EPOR: variants seen among roughly 807,000 people sequenced by gnomAD.
EPOR encodes erythropoietin receptor.
In EPOR, 20 loss-of-function variants were observed where a neutral mutation model predicts 34.3. The observed-to-expected ratio is 0.58, with a 90% CI of 0.41 to 0.85. The LOEUF (loss-of-function observed/expected upper bound fraction) is 0.85, where lower values mean the gene tolerates loss of function less well. Ranked by LOEUF, EPOR falls within the 40% of genes least tolerant of loss-of-function variation. The pLI, the probability that EPOR is intolerant of heterozygous loss-of-function variation, is 0.00. For synonymous variants in EPOR, 312 were observed against 299.0 expected, an observed-to-expected ratio of 1.04 and a Z score of -0.45; for missense variants, 601 against 672.7, an observed-to-expected ratio of 0.89 and a Z score of 1.18.
intron 6 of EPOR, among the ~76,000 whole-genome samples, chr19:11,379,573 C>CA (rs113780625): frequency 7.7e-4 from 109 of 141,248 alleles, no homozygotes; most frequent in Middle Eastern, 3.7e-3. Context: ...GACTCTGTCT[C>CA]AAAAAAAAAA....
At position 11,377,558 on chromosome 19, in the gene EPOR, A is replaced by C; in HGVS notation, c.*426T>G. 2.2e-6 allele frequency: 1 copy of C among 454,838 alleles called. No homozygotes were observed. Among genetic ancestry groups the C allele is most frequent in the Non-Finnish European group, 4.4e-6 (1 of 227,334 alleles). 28.2% of individuals were successfully genotyped at this position (454,838 alleles called of 1,614,324 possible). A position where few individuals can be genotyped will look rare whatever the true frequency, so the allele number is the denominator to read the frequency against. On this transcript the variant is annotated 3_prime_UTR_variant, in exon 8 of 8. Coordinates refer to ENST00000222139, the MANE Select transcript of EPOR (RefSeq NM_000121.4). ...CATGGATGGCTGCCCATTTGAGCTG[A>C]GTTAGGAGAGAGAAATCATTTAATG...
chr19:11,378,078 C>T lies in EPOR; in HGVS notation c.1433G>A (p.Gly478Glu). ...GGAGTAGGGGCCATCGGATAAGCCC[C>T]CTTGGGCTCCCTGGGAGTCCCCTGA... Reference protein sequence around the residue: ...YSSGDSQGAQGGLSDGPYSNP... With the variant: ...YSSGDSQGAQEGLSDGPYSNP... The change falls in exon 8 of 8, where the codon GGG becomes GAG. Residue 478 changes from glycine to glutamate, a missense_variant. Physicochemically the swap from Gly to Glu is moderately conservative, Grantham distance 98 (BLOSUM62 -2). Coordinates refer to ENST00000222139, the MANE Select transcript of EPOR (RefSeq NM_000121.4). The surrounding 1 kb of genome is among the most constrained non-coding windows in gnomAD (Gnocchi z 5.3). The T allele has an allele frequency of 6.2e-7, 1 of 1,614,104 alleles. No homozygotes were observed. The highest frequency in any genetic ancestry group is 8.5e-7 in the Non-Finnish European group (1 of 1,180,006).
In EPOR at chr19:11,384,094, T is replaced by C. The variant is rs753687126; in HGVS notation, c.114A>G (p.Lys38=). 1 of 1,546,076 alleles carries C rather than the reference T, an allele frequency of 6.5e-7. No homozygotes were observed. Among genetic ancestry groups the C allele is most frequent in the South Asian group, 1.2e-5 (1 of 83,934 alleles). ...GGTCCACACGCAGCTCATCCTTACC[T>C]TTGCTCTCGAACTTGGGGTCCGGGA... The part of the protein sequence containing the change: ...PNLPDPKFES[K]AALLAARGPE... The change falls in exon 1 of 8, where the codon AAA becomes AAG. Residue 38 remains lysine (K), a splice_region_variant and synonymous_variant. Coordinates refer to ENST00000222139, the MANE Select transcript of EPOR (RefSeq NM_000121.4).
chr19:11,381,455 G>A lies in EPOR; in HGVS notation c.585+237C>T, dbSNP rs1476423393. ...CTAGCACTCGTAGAGGGACCCGGGC[G>A]CTAAAGGGGTCTAGGGTTACGGGCC... On this transcript the variant is annotated intron_variant, in intron 4 of 7. Transcript: ENST00000222139. This position sits in a 1 kb window ranked among gnomAD's most constrained non-coding sequence, Gnocchi z 5.3. 3.0e-6 allele frequency: 2 copies of A among 666,204 alleles called. No individual in the cohort carries two copies. Among genetic ancestry groups the A allele is most frequent in the African/African-American group, 1.8e-5 (1 of 55,066 alleles). The allele number at this position is 666,204 out of a possible 1,614,324, so 41.3% of individuals were successfully genotyped here. A position where few individuals can be genotyped will look rare whatever the true frequency, so the allele number is the denominator to read the frequency against.
Position 11,382,065 on chromosome 19 carries a change from T to C in EPOR, c.292A>G (p.Thr98Ala). The C allele has an allele frequency of 6.2e-7, 1 of 1,613,946 alleles. No homozygotes were observed. The highest frequency in any genetic ancestry group is 1.1e-5 in the South Asian group (1 of 91,076). Residue 98 changes from threonine to alanine, a missense_variant, in exon 3 of 8, where the codon ACG becomes GCG. By Grantham distance (58) the Thr-to-Ala change is moderately conservative. Coordinates refer to ENST00000222139, the MANE Select transcript of EPOR (RefSeq NM_000121.4). ...CAGAAGCGCACCGCACCACGAGCCG[T>C]GGGAGCCTGGTGCAGGCGACACAGC... ...WKLCRLHQAPTARGAVRFWCS... is the reference protein window; with the variant it reads ...WKLCRLHQAPAARGAVRFWCS...
rs770000988 is a variant in EPOR, at chr19:11,378,662, G to A, written c.915+29C>T. On this transcript the variant is annotated intron_variant, in intron 7 of 7. Transcript: ENST00000222139. This position sits in a 1 kb window ranked among gnomAD's most constrained non-coding sequence, Gnocchi z 5.3. Reference sequence around the variant, plus strand: ...TGGCTGCAAGAAGCAGGGAAGCCCAGGCACTGAGGGGACAACCAGGCCACC... The same window carrying A: ...TGGCTGCAAGAAGCAGGGAAGCCCAAGCACTGAGGGGACAACCAGGCCACC... 1.2e-6 allele frequency: 2 copies of A among 1,614,176 alleles called. No homozygotes were observed. The highest frequency in any genetic ancestry group is 1.1e-5 in the South Asian group (1 of 91,080).
At position 11,377,617 on chromosome 19, in the gene EPOR, A is replaced by G. The variant is rs1968297533; in HGVS notation, c.*367T>C. 4.3e-6 allele frequency: 2 copies of G among 470,508 alleles called. No individual in the cohort carries two copies. Among genetic ancestry groups the G allele is most frequent in the South Asian group, 3.1e-5 (2 of 64,644 alleles). 29.1% of individuals were successfully genotyped at this position (470,508 alleles called of 1,614,324 possible). ...CAGTAAGATTTAAGAGCTGTTTAACATACTATTTTGTTATGTTATGAGTAG... is the reference window on the plus strand; with the variant it reads ...CAGTAAGATTTAAGAGCTGTTTAACGTACTATTTTGTTATGTTATGAGTAG... On this transcript the variant is annotated 3_prime_UTR_variant, in exon 8 of 8. Transcript: ENST00000222139.
At position 11,383,350 on chromosome 19, in the gene EPOR, C is replaced by T. The variant is rs1968391571; in HGVS notation, c.116-118G>A. On this transcript the variant is annotated intron_variant, in intron 1 of 7. Transcript: ENST00000222139. The surrounding 1 kb of genome is among the most constrained non-coding windows in gnomAD (Gnocchi z 4.9). ...CCGATAAGAAAAAAGCCCCGCCCTG[C>T]CATCTTCCCAAGCGGGTCCCTTGGA... 7 of 1,053,668 alleles carry T rather than the reference C, an allele frequency of 6.6e-6. No homozygotes were observed. In the South Asian group the frequency reaches 1.0e-4, roughly 15 times the overall value. 65.3% of individuals were successfully genotyped at this position (1,053,668 alleles called of 1,614,324 possible).
chr19:11,382,362 T>C (rs949226029), intron 2 of EPOR, among the ~76,000 whole-genome samples: 2 of 106,480 alleles, frequency 1.9e-5, no homozygotes, highest in Admixed American at 9.0e-5. Flanking sequence ...CACGCCTGGC[T>C]TTTTTTTTTT....
chr19:11,381,226 G>C lies in EPOR; in HGVS notation c.586-17C>G. On this transcript the variant is annotated splice_polypyrimidine_tract_variant and intron_variant, in intron 4 of 7. Transcript: ENST00000222139. The surrounding 1 kb of genome is among the most constrained non-coding windows in gnomAD (Gnocchi z 5.3). Reference sequence around the variant, plus strand: ...GATCTCCACCTGGGGGCGGAATCAGGGCGAGGGACGCGTAGCAGACAAAAA... The same window carrying C: ...GATCTCCACCTGGGGGCGGAATCAGCGCGAGGGACGCGTAGCAGACAAAAA... 1 of 1,548,840 alleles carries C rather than the reference G, an allele frequency of 6.5e-7. No individual in the cohort carries two copies. The highest frequency in any genetic ancestry group is 1.2e-5 in the South Asian group (1 of 84,016).
rs556991851 is a variant in EPOR at position 11,383,912 on chromosome 19, C to T, written c.115+181G>A. Among the ~76,000 whole-genome samples the T allele has an allele frequency of 2.6e-5, 4 of 151,004 alleles. No individual in the cohort carries two copies. The highest frequency in any genetic ancestry group is 5.9e-5 in the Non-Finnish European group (4 of 67,562). ...ATCAGGAGTCTTGGATCCTAACATACCCCACCCCGCCCCCCACCCATCCAG... is the reference window on the plus strand; with the variant it reads ...ATCAGGAGTCTTGGATCCTAACATATCCCACCCCGCCCCCCACCCATCCAG... On this transcript the variant is annotated intron_variant, in intron 1 of 7. Coordinates refer to ENST00000222139, the MANE Select transcript of EPOR (RefSeq NM_000121.4). This position sits in a 1 kb window ranked among gnomAD's most constrained non-coding sequence, Gnocchi z 4.9.
chr19:11,381,463 G>C lies in EPOR; in HGVS notation c.585+229C>G. On this transcript the variant is annotated intron_variant, in intron 4 of 7. Transcript: ENST00000222139. The surrounding 1 kb of genome is among the most constrained non-coding windows in gnomAD (Gnocchi z 5.3). ...CGTAGAGGGACCCGGGCGCTAAAGG[G>C]GTCTAGGGTTACGGGCCGGAGGGAG... is the stretch of plus-strand genomic sequence containing the variant. The C allele has an allele frequency of 1.5e-6, 1 of 674,056 alleles. No homozygotes were observed. Among genetic ancestry groups the C allele is most frequent in the Non-Finnish European group, 2.5e-6 (1 of 400,936 alleles). The allele number at this position is 674,056 out of a possible 1,614,324, so 41.8% of individuals were successfully genotyped here.
Position 11,377,912 on chromosome 19 carries a change from G to C in EPOR, c.*72C>G. ...TCCTGAGAGAGGCCTCGCCATCCCT[G>C]TTCCATAAGTCTTGAGTCTGCACTG... is the stretch of plus-strand genomic sequence containing the variant. On this transcript the variant is annotated 3_prime_UTR_variant, in exon 8 of 8. Coordinates refer to ENST00000222139, the MANE Select transcript of EPOR (RefSeq NM_000121.4). 1.3e-6 allele frequency: 2 copies of C among 1,596,030 alleles called. No individual in the cohort carries two copies. The highest frequency in any genetic ancestry group is 1.7e-6 in the Non-Finnish European group (2 of 1,166,244).
At position 11,383,168 on chromosome 19, in the gene EPOR, C is replaced by T. The variant is rs1306575670; in HGVS notation, c.180G>A (p.Leu60=). 14 of 1,612,992 alleles carry T rather than the reference C, an allele frequency of 8.7e-6. No homozygotes were observed. Among genetic ancestry groups the T allele is most frequent in the Non-Finnish European group, 1.1e-5 (13 of 1,179,964 alleles). The stretch of plus-strand genomic sequence containing the variant: ...TCGCCGCTTCCTCCCAGAAACACAC[C>T]AAGTCCTCCAACCGCTCGGTGAAGC... ...LLCFTERLED[L]VCFWEEAASA... Residue 60 remains leucine, a synonymous_variant, in exon 2 of 8, where the codon TTG becomes TTA. Coordinates refer to ENST00000222139, the MANE Select transcript of EPOR (RefSeq NM_000121.4). The surrounding 1 kb of genome is among the most constrained non-coding windows in gnomAD (Gnocchi z 4.9).
In EPOR at chr19:11,378,023, G is replaced by C; in HGVS notation, c.1488C>G (p.Ala496=). The change falls in exon 8 of 8, where the codon GCC becomes GCG. Residue 496 remains alanine (A), a synonymous_variant. Transcript: ENST00000222139. This position sits in a 1 kb window ranked among gnomAD's most constrained non-coding sequence, Gnocchi z 5.3. ...CATAGCTGGGGGGCAGAGGCTCAGCGGCTGGGATAAGGCTGTTCTCATAAG... is the reference window on the plus strand; with the variant it reads ...CATAGCTGGGGGGCAGAGGCTCAGCCGCTGGGATAAGGCTGTTCTCATAAG... ...SNPYENSLIP[A]AEPLPPSYVA... is the part of the protein sequence containing the mutation. 1.9e-6 allele frequency: 3 copies of C among 1,614,104 alleles called. No individual in the cohort carries two copies. The highest frequency in any genetic ancestry group is 2.5e-6 in the Non-Finnish European group (3 of 1,180,022).
chr19:11,378,252 G>C lies in EPOR; in HGVS notation c.1259C>G (p.Ser420Cys). The change falls in exon 8 of 8, where the codon TCT (serine) becomes TGT (cysteine). Residue 420 changes from serine (S) to cysteine (C), a missense_variant. Coordinates refer to ENST00000222139, the MANE Select transcript of EPOR (RefSeq NM_000121.4). This position sits in a 1 kb window ranked among gnomAD's most constrained non-coding sequence, Gnocchi z 5.3. Reference sequence around the variant, plus strand: ...GATAGTGTACTCAAAGCTGGCAGCAGAGGCTCCCTCTGGGCTGGGCTTCGA... The same window carrying C: ...GATAGTGTACTCAAAGCTGGCAGCACAGGCTCCCTCTGGGCTGGGCTTCGA... ...LASKPSPEGA[S>C]AASFEYTILD... 1 of 1,614,142 alleles carries C rather than the reference G, an allele frequency of 6.2e-7. No homozygotes were observed. Among genetic ancestry groups the C allele is most frequent in the Non-Finnish European group, 8.5e-7 (1 of 1,180,026 alleles).
chr19:11,382,178 A>T, intron 2 of EPOR, 73 bp from the exon 3 acceptor site: 4 of 1,259,620 alleles, frequency 3.2e-6, no homozygotes, highest in Non-Finnish European at 4.5e-6. Flanking sequence ...TGTGGGGGGC[A>T]GTGTGTATGT....
At position 11,381,776 on chromosome 19, in the gene EPOR, G is replaced by C. The variant is rs958198642; in HGVS notation, c.501C>G (p.Leu167=). The C allele has an allele frequency of 6.2e-7, 1 of 1,613,546 alleles. No individual in the cohort carries two copies. The highest frequency in any genetic ancestry group is 8.5e-7 in the Non-Finnish European group (1 of 1,179,810). Reference sequence around the variant, plus strand: ...ACGTCATGGGTGTCTCAGGCGGCGGGAGCCAGCGCAACACTACGTGGCCGC... The same window carrying C: ...ACGTCATGGGTGTCTCAGGCGGCGGCAGCCAGCGCAACACTACGTGGCCGC... ...DESGHVVLRW[L]PPPETPMTSH... Residue 167 remains leucine (L), a synonymous_variant, in exon 4 of 8, where the codon CTC becomes CTG. Transcript: ENST00000222139. The surrounding 1 kb of genome is among the most constrained non-coding windows in gnomAD (Gnocchi z 5.3).
At chr19:11,382,778 G>T in intron 2 of EPOR, 1 of 1,292,926 alleles carries the variant, frequency 7.7e-7, no homozygotes, top group Non-Finnish European at 1.0e-6. Context: ...ACAGGCATGA[G>T]CCACTGCTGG....
Sources: allele counts gnomAD v4.1 joint callset (sites outside exome capture counted in the v4.1 genomes callset), GRCh38; gene constraint gnomAD v4.1.1; non-coding constraint Gnocchi (gnomAD v3.1); transcripts MANE v1.5; gene names NCBI Gene and HGNC (gene_info 2026-07-23, HGNC 2026-07-21).